The following ANXA3 variants were observed in gnomAD, a reference collection of about 807,000 sequenced individuals.
The protein encoded by ANXA3 is annexin A3, also known as 35-alpha calcimedin.
In ANXA3, 46 loss-of-function variants were observed where a neutral mutation model predicts 48.8. The ratio of observed to expected loss-of-function variants is 0.94; its 90% CI spans 0.74 to 1.21. ANXA3 has a LOEUF of 1.21. Ranked by LOEUF, ANXA3 falls within the 50% of genes most tolerant of loss-of-function variation. The pLI is 0.00. For synonymous variants in ANXA3, 128 were observed against 134.7 expected (o/e 0.95, Z 0.35); for missense variants, 383 against 378.6 (o/e 1.01, Z -0.10).
intron 2 of ANXA3, among the ~76,000 whole-genome samples, chr4:78,563,468 G>A (rs961686945): frequency 6.6e-6 from 1 of 151,924 alleles, no homozygotes; most frequent in Non-Finnish European, 1.5e-5. Flanking sequence ...TCTCTGGGGG[G>A]TGATTAGGTT....
At chr4:78,596,719 GTC>G (rs1339893891) in intron 9 of ANXA3, among the ~76,000 whole-genome samples, 3 of 152,202 alleles carry the variant, frequency 2.0e-5, no homozygotes, top group African/African-American at 7.2e-5. Context: ...ATAACCCTAG[GTC>G]TCTCTCCAAA....
intron 2 of ANXA3, among the ~76,000 whole-genome samples, chr4:78,569,513 T>G (rs554179764): frequency 5.9e-5 from 9 of 152,204 alleles, no homozygotes; most frequent in Non-Finnish European, 1.3e-4. Flanking sequence ...CATAAGAGAA[T>G]TCATGGCTTG....
intron 1 of ANXA3, chr4:78,553,978 T>G (rs1722456196): frequency 6.4e-6 from 1 of 156,188 alleles, no homozygotes; most frequent in Non-Finnish European, 1.4e-5. Flanking sequence ...CCTTGTAAAA[T>G]GTACATGGAG....
rs773692289 is a variant in ANXA3, at chr4:78,595,438, G to T, written c.540+1G>T. The T allele has an allele frequency of 1.9e-6, 3 of 1,613,182 alleles. No homozygotes were observed. In the Admixed American group the frequency reaches 5.0e-5, roughly 27 times the overall value. The stretch of plus-strand genomic sequence containing the variant: ...GCATCTGGCCAAACAAGATGCCCAG[G>T]TCAGTAACAAAGCGGGAAAACATTT... On this transcript the variant is annotated splice_donor_variant, in intron 8 of 12. Coordinates refer to ENST00000264908, the MANE Select transcript of ANXA3 (RefSeq NM_005139.3). LOFTEE classifies it high-confidence loss of function.
At position 78,554,416 on chromosome 4, in the gene ANXA3, T is replaced by G; in HGVS notation, c.-38-20T>G. The stretch of plus-strand genomic sequence containing the variant: ...TGAATCACATATTGATACCATTTAC[T>G]AATTGTTTTCTTTTAATAGATTAGT... On this transcript the variant is annotated intron_variant, in intron 1 of 12. Transcript: ENST00000264908. 1 of 1,496,728 alleles carries G rather than the reference T, an allele frequency of 6.7e-7. No individual in the cohort carries two copies. Among genetic ancestry groups the G allele is most frequent in the Non-Finnish European group, 9.3e-7 (1 of 1,075,158 alleles). The allele number at this position is 1,496,728 out of a possible 1,614,324, so 92.7% of individuals were successfully genotyped here. A position where few individuals can be genotyped will look rare whatever the true frequency, so the allele number is the denominator to read the frequency against.
chr4:78,579,271 G>A, intron 4 of ANXA3, 150 bp downstream of exon 4: 1 of 535,174 alleles, frequency 1.9e-6, no homozygotes, highest in Non-Finnish European at 3.4e-6. Context: ...TCTGAGTCGT[G>A]GTTTTGCCTT....
intron 3 of ANXA3, among the ~76,000 whole-genome samples, chr4:78,577,479 A>T (rs1722978775): frequency 6.6e-6 from 1 of 152,214 alleles, no homozygotes; most frequent in Admixed American, 6.5e-5. Flanking sequence ...GATGCTGGGT[A>T]CAATACACAG....
intron 12 of ANXA3, among the ~76,000 whole-genome samples, chr4:78,609,565 T>A (rs1723714675): frequency 6.6e-6 from 1 of 152,156 alleles, no homozygotes; most frequent in Non-Finnish European, 1.5e-5. Context: ...AAATCCTGCT[T>A]TTGTCACTTA....
At chr4:78,606,974 G>A (rs1012563356) in intron 12 of ANXA3, among the ~76,000 whole-genome samples, 2 of 152,186 alleles carry the variant, frequency 1.3e-5, no homozygotes, top group Non-Finnish European at 2.9e-5. Context: ...TAACCATGTT[G>A]TAGCTACTAA....
At chr4:78,555,924 T>G (rs1019643801) in intron 2 of ANXA3, among the ~76,000 whole-genome samples, 4 of 152,042 alleles carry the variant, frequency 2.6e-5, no homozygotes, top group African/African-American at 9.6e-5. Flanking sequence ...CTTTTCTACT[T>G]AAGAGATTGG....
At chr4:78,576,514 C>T (rs961935138) in intron 3 of ANXA3, among the ~76,000 whole-genome samples, 3 of 152,168 alleles carry the variant, frequency 2.0e-5, no homozygotes, top group African/African-American at 7.2e-5. Context: ...CCACGCTAGT[C>T]TTGGACTCCT....
At chr4:78,609,127 GC>G (rs899309540) in intron 12 of ANXA3, among the ~76,000 whole-genome samples, 6 of 152,038 alleles carry the variant, frequency 3.9e-5, no homozygotes, top group South Asian at 2.1e-4. Flanking sequence ...ATATATAAAG[GC>G]CTATTGTGTC....
chr4:78,572,647 T>C (rs1428785535), intron 2 of ANXA3, among the ~76,000 whole-genome samples: 1 of 152,090 alleles, frequency 6.6e-6, no homozygotes, highest in African/African-American at 2.4e-5. Context: ...GGTGGGGCTG[T>C]CCAGTAGTCA....
intron 3 of ANXA3, among the ~76,000 whole-genome samples, chr4:78,578,310 A>C (rs946539272): frequency 2.8e-5 from 3 of 107,796 alleles, no homozygotes; most frequent in African/African-American, 1.0e-4. Flanking sequence ...AGAGAGAGAG[A>C]GAGAGAGAGA....
At chr4:78,554,736 A>G (rs1320028897) in intron 2 of ANXA3, among the ~76,000 whole-genome samples, 2 of 152,262 alleles carry the variant, frequency 1.3e-5, no homozygotes, top group Admixed American at 6.5e-5. Context: ...TAAATTTAGT[A>G]TATAATTTGG....
chr4:78,585,375 G>T (rs977220826), intron 5 of ANXA3, among the ~76,000 whole-genome samples: 5 of 152,188 alleles, frequency 3.3e-5, no homozygotes, highest in Non-Finnish European at 5.9e-5. Flanking sequence ...GAAGGCTCAT[G>T]ACTCAGCCAT....
Position 78,609,874 on chromosome 4 carries a change from T to A in ANXA3, c.913-182T>A, listed in dbSNP as rs185578821. Reference sequence around the variant, plus strand: ...ATATTACTTACAGTGAAGAAGATGCTGGTCAGAACGTAATTACACTCAGGT... The same window carrying A: ...ATATTACTTACAGTGAAGAAGATGCAGGTCAGAACGTAATTACACTCAGGT... On this transcript the variant is annotated intron_variant, in intron 12 of 12. Transcript: ENST00000264908. 2.4e-3 allele frequency among the ~76,000 whole-genome samples: 367 copies of A among 152,298 alleles called. 1 individual carries two copies. The highest frequency in any genetic ancestry group is 4.3e-3 in the Non-Finnish European group (292 of 68,012).
intron 12 of ANXA3, among the ~76,000 whole-genome samples, chr4:78,609,189 A>G (rs1203394540): frequency 6.6e-6 from 1 of 152,164 alleles, no homozygotes; most frequent in Non-Finnish European, 1.5e-5. Context: ...CTTCTCTGAG[A>G]CTTCCTTTAT....
chr4:78,560,926 T>G (rs1722614588), intron 2 of ANXA3, among the ~76,000 whole-genome samples: 1 of 152,212 alleles, frequency 6.6e-6, no homozygotes, highest in Non-Finnish European at 1.5e-5. Context: ...TATTCTTTTA[T>G]TTTTGACTAA....
Sources: gnomAD v4.1 joint callset for allele counts (sites outside exome capture counted in the v4.1 genomes callset) on GRCh38, gnomAD v4.1.1 for gene constraint, MANE v1.5 for transcripts, NCBI Gene and HGNC (gene_info 2026-07-23, HGNC 2026-07-21) for gene names.